The following NANOG variants were observed in gnomAD, a reference collection of about 807,000 sequenced individuals.
NANOG encodes homeobox protein NANOG.
A neutral mutation model predicts 17.7 loss-of-function variants in NANOG; 2 were observed. The observed-to-expected ratio is 0.11, with a 90% CI of 0.05 to 0.36. The LOEUF is 0.36. Among genes scored for constraint, NANOG ranks in the 10% least tolerant of loss-of-function variants. The pLI is 1.00. For synonymous variants in NANOG, 81 were observed against 124.7 expected (o/e 0.65, Z 2.33); for missense variants, 174 against 362.1 (o/e 0.48, Z 4.22).
chr12:7,790,960 G>A (rs1172520764), intron 1 of NANOG, among the ~76,000 whole-genome samples: 2 of 152,092 alleles, frequency 1.3e-5, no homozygotes, highest in African/African-American at 4.8e-5. Flanking sequence ...GCTCGGGCTG[G>A]TCTTGAACTC....
intron 1 of NANOG, among the ~76,000 whole-genome samples, 162 bp from the exon 2 acceptor site, chr12:7,792,788 T>C (rs11055786): frequency 0.5 from 75,320 of 152,080 alleles, 20,177 homozygotes; most frequent in Non-Finnish European, 0.59. Flanking sequence ...TAATACTATA[T>C]AAAGCTTGCC....
chr12:7,793,496 C>T (rs1862873015), intron 2 of NANOG, among the ~76,000 whole-genome samples: 1 of 152,126 alleles, frequency 6.6e-6, no homozygotes, highest in Non-Finnish European at 1.5e-5. Context: ...TATCTAACTC[C>T]ACTTACCAGG....
chr12:7,791,020 C>G (rs769816157), intron 1 of NANOG, among the ~76,000 whole-genome samples: 1 of 152,142 alleles, frequency 6.6e-6, no homozygotes, highest in East Asian at 1.9e-4. Context: ...GCTGGGATTA[C>G]AGGCGCTGAC....
At chr12:7,794,611 A>C in intron 3 of NANOG, 68 bp downstream of exon 3, 1 of 1,609,412 alleles carries the variant, frequency 6.2e-7, no homozygotes, top group Non-Finnish European at 8.5e-7. Context: ...CCTGAAACAC[A>C]CAACTCCAGT....
At chr12:7,794,110 TGTC>T (rs1189535710) in intron 2 of NANOG, among the ~76,000 whole-genome samples, 1 of 152,150 alleles carries the variant, frequency 6.6e-6, no homozygotes, top group African/African-American at 2.4e-5. Context: ...CTGGTTCTGT[TGTC>T]ACGCAGCTGG....
chr12:7,793,464 C>T (rs186916356), intron 2 of NANOG, among the ~76,000 whole-genome samples: 186 of 152,230 alleles, frequency 1.2e-3, no homozygotes, highest in African/African-American at 4.2e-3. Flanking sequence ...ATCTTTCCAA[C>T]GTTTCCTTAA....
chr12:7,789,624 G>A lies in NANOG; in HGVS notation c.10G>A (p.Asp4Asn). 3 of 1,613,670 alleles carry A rather than the reference G, an allele frequency of 1.9e-6. No individual in the cohort carries two copies. Among genetic ancestry groups the A allele is most frequent in the South Asian group, 1.1e-5 (1 of 91,066 alleles). ...CTTCCTCTATACTAACATGAGTGTG[G>A]ATCCAGCTTGTCCCCAAAGCTTGCC... Reference protein sequence around the residue: MSVDPACPQSLPCF... With the variant: MSVNPACPQSLPCF... Residue 4 changes from aspartate to asparagine, a missense_variant, in exon 1 of 4, where the codon GAT becomes AAT. Transcript: ENST00000229307.
Position 7,797,345 on chromosome 12 carries a change from C to G in NANOG, c.*2250C>G, listed in dbSNP as rs1405427655. On this transcript the variant is annotated 3_prime_UTR_variant, in exon 4 of 4. Transcript: ENST00000229307. ...TGGTGGGATTATAGGTGTGAGCCAC[C>G]GTGTCTGGGCAATTTTTTTTTTTTT... The G allele has an allele frequency of 7.2e-6, 1 of 139,012 alleles. No homozygotes were observed. The highest frequency in any genetic ancestry group is 2.2e-4 in the East Asian group (1 of 4,616). The allele number at this position is 139,012 out of a possible 1,614,324, so 8.6% of individuals were successfully genotyped here. A position where few individuals can be genotyped will look rare whatever the true frequency, so the allele number is the denominator to read the frequency against.
In NANOG at chr12:7,798,032, A is replaced by G. The variant is rs1237702989; in HGVS notation, c.*2937A>G. On this transcript the variant is annotated 3_prime_UTR_variant, in exon 4 of 4. Transcript: ENST00000229307. ...CCTCTTGGCAGGTAAGAATTTAGAG[A>G]TCTATTTGGAATAATCTTTAAAGTA... The G allele has an allele frequency of 6.6e-6, 1 of 151,720 alleles. No individual in the cohort carries two copies. The highest frequency in any genetic ancestry group is 1.5e-5 in the Non-Finnish European group (1 of 67,968). 9.4% of individuals were successfully genotyped at this position (151,720 alleles called of 1,614,324 possible).
chr12:7,796,595 A>G lies in NANOG; in HGVS notation c.*1500A>G, dbSNP rs776489434. ...AATAATCCTTTACTGTCCTTTTCCC[A>G]TCTTGTGCCTGCCCTAAATGTATCT... is the stretch of plus-strand genomic sequence containing the variant. On this transcript the variant is annotated 3_prime_UTR_variant, in exon 4 of 4. Coordinates refer to ENST00000229307, the MANE Select transcript of NANOG (RefSeq NM_024865.4). 2.0e-5 allele frequency: 3 copies of G among 152,114 alleles called. No individual in the cohort carries two copies. The highest frequency in any genetic ancestry group is 2.9e-5 in the Non-Finnish European group (2 of 68,030). 9.4% of individuals were successfully genotyped at this position (152,114 alleles called of 1,614,324 possible).
chr12:7,795,997 CT>C lies in NANOG; in HGVS notation c.*905del, dbSNP rs1380573311. ...CAAATGAATGAAACAACTATTTTTC[CT>C]TTAGTTGATTTTACCCTGATTTCAC... is the stretch of plus-strand genomic sequence containing the variant. On this transcript the variant is annotated 3_prime_UTR_variant, in exon 4 of 4. Coordinates refer to ENST00000229307, the MANE Select transcript of NANOG (RefSeq NM_024865.4). The C allele has an allele frequency of 3.3e-5, 5 of 151,460 alleles. No homozygotes were observed. Among genetic ancestry groups the C allele is most frequent in the Non-Finnish European group, 7.4e-5 (5 of 67,886 alleles). The allele number at this position is 151,460 out of a possible 1,614,324, so 9.4% of individuals were successfully genotyped here.
chr12:7,790,884 A>G (rs1862831110), intron 1 of NANOG, among the ~76,000 whole-genome samples: 1 of 152,012 alleles, frequency 6.6e-6, no homozygotes, highest in Non-Finnish European at 1.5e-5. Context: ...CTAGGACAAG[A>G]GGCGTGTGTC....
At chr12:7,793,918 AT>A (rs1862880047) in intron 2 of NANOG, among the ~76,000 whole-genome samples, 1 of 151,878 alleles carries the variant, frequency 6.6e-6, no homozygotes, top group Admixed American at 6.6e-5. Flanking sequence ...ATTTTACTGT[AT>A]TTTTTAGTAG....
intron 1 of NANOG, among the ~76,000 whole-genome samples, chr12:7,790,080 T>A (rs1253340751): frequency 2.7e-5 from 4 of 150,036 alleles, no homozygotes; most frequent in Non-Finnish European, 5.9e-5. Flanking sequence ...TATAGTTAAA[T>A]GAAGGTGATG....
intron 1 of NANOG, among the ~76,000 whole-genome samples, chr12:7,791,093 ATTTC>A (rs1320803765): frequency 2.8e-4 from 41 of 144,440 alleles, no homozygotes; most frequent in Middle Eastern, 3.5e-3. Context: ...TGCCTTTATA[ATTTC>A]TTTCTTTCTT....
At chr12:7,791,363 G>A (rs7299551) in intron 1 of NANOG, among the ~76,000 whole-genome samples, 37,029 of 151,864 alleles carry the variant, frequency 0.24, 5,143 homozygotes, top group Middle Eastern at 0.35. Context: ...CACCTGCCTT[G>A]GCTGGGCACC....
Position 7,799,120 on chromosome 12 carries a change from T to G in NANOG, c.*4025T>G, listed in dbSNP as rs1436469891. 1 of 152,114 alleles carries G rather than the reference T, an allele frequency of 6.6e-6. No individual in the cohort carries two copies. The highest frequency in any genetic ancestry group is 1.5e-5 in the Non-Finnish European group (1 of 68,036). The allele number at this position is 152,114 out of a possible 1,614,324, so 9.4% of individuals were successfully genotyped here. A position where few individuals can be genotyped will look rare whatever the true frequency, so the allele number is the denominator to read the frequency against. The stretch of plus-strand genomic sequence containing the variant: ...GTAGTTGGTGTAAACTCTGTGGTCC[T>G]TGAATAAAGTGTGCTTGAGAATTTT... On this transcript the variant is annotated 3_prime_UTR_variant, in exon 4 of 4. Transcript: ENST00000229307.
rs1474096168 is a variant in NANOG, at chr12:7,794,680, A to G, written c.503A>G (p.Lys168Arg). ...TGTTAATCCCTCCTTCTCTTTCAGA[A>G]GGCCTCAGCACCTACCTACCCCAGC... is the stretch of plus-strand genomic sequence containing the variant. ...WPKNSNGVTQ[K>R]ASAPTYPSLY... Residue 168 changes from lysine (K) to arginine (R), a missense_variant and splice_region_variant, in exon 4 of 4, where the codon AAG becomes AGG. Lys to Arg is a conservative substitution (Grantham distance 26). Around this residue, in one of 2 missense-constraint regions of NANOG, gnomAD observed 158 missense variants for 244.2 expected, o/e 0.65. Transcript: ENST00000229307. 3 of 1,610,542 alleles carry G rather than the reference A, an allele frequency of 1.9e-6. No individual in the cohort carries two copies. The highest frequency in any genetic ancestry group is 2.5e-6 in the Non-Finnish European group (3 of 1,177,742).
chr12:7,790,356 T>A (rs1862822915), intron 1 of NANOG, among the ~76,000 whole-genome samples: 1 of 152,214 alleles, frequency 6.6e-6, no homozygotes, highest in Non-Finnish European at 1.5e-5. Context: ...CTAATTCTCC[T>A]AAGTCCTGGG....
Sources: allele counts gnomAD v4.1 joint callset (sites outside exome capture counted in the v4.1 genomes callset), GRCh38; gene constraint gnomAD v4.1.1; regional missense constraint gnomAD v4.1.1; transcripts MANE v1.5; gene names NCBI Gene and HGNC (gene_info 2026-07-23, HGNC 2026-07-21).